LHFPL3: variants seen among roughly 807,000 people sequenced by gnomAD.
The protein encoded by LHFPL3 is LHFPL tetraspan subfamily member 3.
Under a neutral mutation model 19.3 loss-of-function variants are expected in LHFPL3, and 5 were observed. The observed-to-expected ratio is 0.26, with a 90% CI of 0.14 to 0.54. The LOEUF (loss-of-function observed/expected upper bound fraction) is 0.54, where lower values mean the gene tolerates loss of function less well. Among genes scored for constraint, LHFPL3 ranks in the 20% least tolerant of loss-of-function variants. The pLI is 0.94. For synonymous variants in LHFPL3, 133 were observed against 126.2 expected (o/e 1.05, Z -0.36); for missense variants, 249 against 307.4 (o/e 0.81, Z 1.42).
intron 1 of LHFPL3, among the ~76,000 whole-genome samples, chr7:104,716,158 C>A (rs753426567): frequency 2.0e-5 from 3 of 152,054 alleles, no homozygotes; most frequent in Non-Finnish European, 4.4e-5. Flanking sequence ...ACCAGCCTGA[C>A]TAACATGGTG....
chr7:104,775,929 T>C (rs1794629539), intron 2 of LHFPL3, among the ~76,000 whole-genome samples: 1 of 152,118 alleles, frequency 6.6e-6, no homozygotes, highest in Non-Finnish European at 1.5e-5. Context: ...TTTCCATGTG[T>C]ACTCTCTAAA....
intron 1 of LHFPL3, among the ~76,000 whole-genome samples, chr7:104,568,857 C>A (rs1790173740): frequency 6.6e-6 from 1 of 152,180 alleles, no homozygotes; most frequent in African/African-American, 2.4e-5. Flanking sequence ...CTTCAGGTTG[C>A]CATTAAATTT....
chr7:104,838,174 T>C (rs1231461959), intron 2 of LHFPL3, among the ~76,000 whole-genome samples: 1 of 152,190 alleles, frequency 6.6e-6, no homozygotes, highest in Non-Finnish European at 1.5e-5. Flanking sequence ...GGTAAAGATA[T>C]ATGAGAACCA....
At position 104,892,820 on chromosome 7, in the gene LHFPL3, T is replaced by C. The variant is rs79800745; in HGVS notation, c.683-13367T>C. ...ATGTACATATAAACATATTTGATTT[T>C]CAAAAATGAGATTCCATTAATCATG... On this transcript the variant is annotated intron_variant, in intron 2 of 2. Transcript: ENST00000424859. Among the ~76,000 whole-genome samples, 1,386 of 152,236 alleles carry C rather than the reference T, an allele frequency of 9.1e-3. 18 individuals carry two copies. The highest frequency in any genetic ancestry group is 0.032 in the African/African-American group (1,316 of 41,526).
intron 2 of LHFPL3, among the ~76,000 whole-genome samples, chr7:104,762,326 G>T (rs1050925345): frequency 2.6e-5 from 4 of 152,166 alleles, no homozygotes; most frequent in African/African-American, 9.7e-5. Flanking sequence ...TGATAGTTCA[G>T]GCAAGCAATA....
chr7:104,380,714 C>T (rs1428640080), intron 1 of LHFPL3, among the ~76,000 whole-genome samples: 2 of 152,230 alleles, frequency 1.3e-5, no homozygotes, highest in East Asian at 3.9e-4. Context: ...ATATTTGTGA[C>T]TAATGAATTC....
chr7:104,666,909 G>T (rs1413331616), intron 1 of LHFPL3, among the ~76,000 whole-genome samples: 2 of 152,070 alleles, frequency 1.3e-5, no homozygotes, highest in African/African-American at 4.8e-5. Flanking sequence ...TGATAGACAG[G>T]TTGATTCCAC....
intron 1 of LHFPL3, among the ~76,000 whole-genome samples, chr7:104,603,847 G>A (rs981717634): frequency 1.3e-5 from 2 of 152,236 alleles, no homozygotes; most frequent in African/African-American, 4.8e-5. Context: ...TGGGCACACT[G>A]GGGTGGGGGT....
At chr7:104,828,432 T>C (rs1790867140) in intron 2 of LHFPL3, among the ~76,000 whole-genome samples, 1 of 151,950 alleles carries the variant, frequency 6.6e-6, no homozygotes, top group African/African-American at 2.4e-5. Context: ...GGTAGTGAAC[T>C]CAGTAACTCA....
chr7:104,638,017 C>G (rs1791760499), intron 1 of LHFPL3, among the ~76,000 whole-genome samples: 3 of 152,076 alleles, frequency 2.0e-5, no homozygotes, highest in Admixed American at 1.3e-4. Flanking sequence ...TCTTCCTATT[C>G]ATGAGCATGG....
intron 1 of LHFPL3, among the ~76,000 whole-genome samples, chr7:104,330,812 G>T (rs925325521): frequency 3.3e-5 from 5 of 152,178 alleles, no homozygotes; most frequent in African/African-American, 4.8e-5. Context: ...GAATAACTAA[G>T]ATTTGGAATA....
At chr7:104,424,800 G>T (rs1340247568) in intron 1 of LHFPL3, among the ~76,000 whole-genome samples, 1 of 151,948 alleles carries the variant, frequency 6.6e-6, no homozygotes, top group Non-Finnish European at 1.5e-5. Flanking sequence ...GACCATCCTG[G>T]TTAACATGGT....
intron 2 of LHFPL3, among the ~76,000 whole-genome samples, chr7:104,862,535 C>A (rs904897830): frequency 3.9e-5 from 6 of 152,178 alleles, no homozygotes; most frequent in African/African-American, 1.4e-4. Flanking sequence ...CTTTCTCTGA[C>A]CTCAAGCAGC....
chr7:104,851,489 G>GA (rs1054318177), intron 2 of LHFPL3, among the ~76,000 whole-genome samples: 1 of 152,032 alleles, frequency 6.6e-6, no homozygotes, highest in African/African-American at 2.4e-5. Context: ...AACTGCTAGG[G>GA]AAAAAAATGG....
chr7:104,680,360 C>T (rs1173936035), intron 1 of LHFPL3, among the ~76,000 whole-genome samples: 4 of 152,188 alleles, frequency 2.6e-5, no homozygotes, highest in South Asian at 2.1e-4. Flanking sequence ...TTGGATGTCA[C>T]GGTGCTCCCT....
intron 1 of LHFPL3, among the ~76,000 whole-genome samples, chr7:104,361,092 A>T (rs1460793847): frequency 1.3e-5 from 2 of 152,166 alleles, no homozygotes; most frequent in African/African-American, 4.8e-5. Flanking sequence ...TCACTTGTGT[A>T]TTGTCTATGG....
intron 2 of LHFPL3, among the ~76,000 whole-genome samples, chr7:104,830,418 C>T (rs992969614): frequency 6.6e-6 from 1 of 151,874 alleles, no homozygotes; most frequent in Non-Finnish European, 1.5e-5. Flanking sequence ...TGCCTATGTC[C>T]TGAATGGTAT....
At chr7:104,564,579 A>T (rs1210580976) in intron 1 of LHFPL3, among the ~76,000 whole-genome samples, 1 of 152,226 alleles carries the variant, frequency 6.6e-6, no homozygotes, top group African/African-American at 2.4e-5. Flanking sequence ...CATGAGAAAG[A>T]AAGTAAACAG....
intron 2 of LHFPL3, among the ~76,000 whole-genome samples, chr7:104,853,302 C>A (rs191315601): frequency 3.0e-4 from 45 of 152,298 alleles, no homozygotes; most frequent in African/African-American, 1.0e-3. Flanking sequence ...GAGAGAGAAT[C>A]TAAAAAGCCA....
Sources: allele counts gnomAD v4.1 joint callset (sites outside exome capture counted in the v4.1 genomes callset), GRCh38; gene constraint gnomAD v4.1.1; transcripts MANE v1.5; gene names NCBI Gene and HGNC (gene_info 2026-07-23, HGNC 2026-07-21).